CCNI2: variants seen among roughly 807,000 people sequenced by gnomAD.
CCNI2 encodes the protein cyclin I family member 2.
A neutral mutation model predicts 33.2 loss-of-function variants in CCNI2; 32 were observed. That is an observed-to-expected ratio of 0.96 (90% confidence interval 0.73 to 1.30). The LOEUF (loss-of-function observed/expected upper bound fraction) is 1.30. Among genes scored for constraint, CCNI2 ranks in the 50% most tolerant of loss-of-function variants. The pLI is 0.00. For synonymous variants in CCNI2, 231 were observed against 219.9 expected (o/e 1.05, Z -0.45); for missense variants, 452 against 486.2 (o/e 0.93, Z 0.66).
At position 132,753,117 on chromosome 5, in the gene CCNI2, C is replaced by T. The variant is rs1755006725; in HGVS notation, c.*147C>T. 3 of 655,870 alleles carry T rather than the reference C, an allele frequency of 4.6e-6. No individual in the cohort carries two copies. In the South Asian group the frequency reaches 5.7e-5, roughly 13 times the overall value. 40.6% of individuals were successfully genotyped at this position (655,870 alleles called of 1,614,324 possible). On this transcript the variant is annotated 3_prime_UTR_variant, in exon 6 of 6. Transcript: ENST00000378731. ...CTGAGAAAAAGTTCCCAACTGAGCC[C>T]TTGGAAAAAAAATAAAGGGGAGAGG...
rs991017947 is a variant in CCNI2, at chr5:132,750,967, T to C, written c.744T>C (p.Tyr248=). 3 of 1,614,090 alleles carry C rather than the reference T, an allele frequency of 1.9e-6. No individual in the cohort carries two copies. The highest frequency in any genetic ancestry group is 2.5e-6 in the Non-Finnish European group (3 of 1,180,042). ...TGGACAGACTGCACTGGGACCTCTATATTGGGACGCCGCTGGACTTCTTGA... is the reference window on the plus strand; with the variant it reads ...TGGACAGACTGCACTGGGACCTCTACATTGGGACGCCGCTGGACTTCTTGA... ...AILDRLHWDL[Y]IGTPLDFLTI... Residue 248 remains tyrosine (Y), a synonymous_variant, in exon 4 of 6, where the codon TAT becomes TAC. Coordinates refer to ENST00000378731, the MANE Select transcript of CCNI2 (RefSeq NM_001039780.4).
chr5:132,752,786 T>C (rs1052906663), intron 5 of CCNI2, 80 bp from the exon 6 acceptor site: 1 of 1,251,386 alleles, frequency 8.0e-7, no homozygotes, highest in Non-Finnish European at 1.2e-6. Context: ...TGCTTCATGC[T>C]AACATTTTGG....
chr5:132,750,111 G>A (rs1455080819), intron 3 of CCNI2, among the ~76,000 whole-genome samples: 1 of 152,212 alleles, frequency 6.6e-6, no homozygotes, highest in Non-Finnish European at 1.5e-5. Flanking sequence ...GAAGTTGTGT[G>A]TCCAGTTCCA....
rs1173590312 is a variant in CCNI2 at position 132,751,986 on chromosome 5, G to A, written c.795G>A (p.Leu265=). The change falls in exon 5 of 6, where the codon CTG becomes CTA. Residue 265 remains leucine, a synonymous_variant. Transcript: ENST00000378731. ...TCCAGTTCCATGCCCTGGTGGTCCTGAGCTGGCCCCATGTGTTGGAGCTGC... is the reference window on the plus strand; with the variant it reads ...TCCAGTTCCATGCCCTGGTGGTCCTAAGCTGGCCCCATGTGTTGGAGCTGC... The part of the protein sequence containing the change: ...FLTIFHALVV[L]SWPHVLELLP... 5 of 1,611,636 alleles carry A rather than the reference G, an allele frequency of 3.1e-6. No homozygotes were observed. The highest frequency in any genetic ancestry group is 2.5e-6 in the Non-Finnish European group (3 of 1,179,156).
chr5:132,752,976 C>T lies in CCNI2; in HGVS notation c.*6C>T. ...TTGTGTCACCTGCCAACTAGCCCCT[C>T]TGCCTCCACCCCGGGGCTTTCAGAG... On this transcript the variant is annotated 3_prime_UTR_variant, in exon 6 of 6. Coordinates refer to ENST00000378731, the MANE Select transcript of CCNI2 (RefSeq NM_001039780.4). 1 of 1,609,098 alleles carries T rather than the reference C, an allele frequency of 6.2e-7. No homozygotes were observed. The highest frequency in any genetic ancestry group is 8.5e-7 in the Non-Finnish European group (1 of 1,175,584).
In CCNI2 at chr5:132,747,856, C is replaced by G; in HGVS notation, c.361C>G (p.Arg121Gly). 6.8e-7 allele frequency: 1 copy of G among 1,469,940 alleles called. No homozygotes were observed. The highest frequency in any genetic ancestry group is 8.9e-7 in the Non-Finnish European group (1 of 1,118,230). The allele number at this position is 1,469,940 out of a possible 1,614,324, so 91.1% of individuals were successfully genotyped here. ...CCTGGAAGGCGACCTGGACGAGCGC[C>G]GGCTGCTCTGCCACTTGCAGCTGGC... ...RNLEGDLDER[R>G]LLCHLQLAQD... Residue 121 changes from arginine to glycine, a missense_variant, in exon 1 of 6, where the codon CGG becomes GGG. By Grantham distance (125) the Arg-to-Gly change is moderately radical (BLOSUM62 -2). Coordinates refer to ENST00000378731, the MANE Select transcript of CCNI2 (RefSeq NM_001039780.4). This position sits in a 1 kb window ranked among gnomAD's most constrained non-coding sequence, Gnocchi z 4.1.
At chr5:132,752,823 T>C in intron 5 of CCNI2, 43 bp from the exon 6 acceptor site, 1 of 1,547,906 alleles carries the variant, frequency 6.5e-7, no homozygotes, top group Non-Finnish European at 8.9e-7. Flanking sequence ...TCTTAGAATG[T>C]ATGATGGTTC....
At chr5:132,750,104 G>A (rs1456811149) in intron 3 of CCNI2, among the ~76,000 whole-genome samples, 1 of 152,240 alleles carries the variant, frequency 6.6e-6, no homozygotes, top group Non-Finnish European at 1.5e-5. Flanking sequence ...CAGGGAAGAA[G>A]TTGTGTGTCC....
At chr5:132,749,806 G>C (rs1754732509) in intron 3 of CCNI2, among the ~76,000 whole-genome samples, 1 of 152,216 alleles carries the variant, frequency 6.6e-6, no homozygotes, top group Non-Finnish European at 1.5e-5. Flanking sequence ...AAAGCTGCTT[G>C]AGACTTGAGG....
In CCNI2 at chr5:132,753,722, A is replaced by C. The variant is rs1755061604; in HGVS notation, c.*752A>C. The C allele has an allele frequency of 1.3e-5, 2 of 152,406 alleles. No individual in the cohort carries two copies. The highest frequency in any genetic ancestry group is 4.8e-5 in the African/African-American group (2 of 41,454). 9.4% of individuals were successfully genotyped at this position (152,406 alleles called of 1,614,324 possible). A position where few individuals can be genotyped will look rare whatever the true frequency, so the allele number is the denominator to read the frequency against. ...ACCTGTGATGGGAGGCACAGCTCTG[A>C]ATGCTTTCTGTTGGGATGAGCAGGT... On this transcript the variant is annotated 3_prime_UTR_variant, in exon 6 of 6. Transcript: ENST00000378731.
chr5:132,752,218 G>T, intron 5 of CCNI2, 22 bp downstream of exon 5: 2 of 1,548,178 alleles, frequency 1.3e-6, no homozygotes, highest in South Asian at 1.2e-5. Context: ...CTTTGCCCCA[G>T]ACCAGGCTCT....
Position 132,747,781 on chromosome 5 carries a change from G to A in CCNI2, c.286G>A (p.Ala96Thr). 1.4e-6 allele frequency: 2 copies of A among 1,470,200 alleles called. No individual in the cohort carries two copies. Among genetic ancestry groups the A allele is most frequent in the Non-Finnish European group, 1.8e-6 (2 of 1,118,658 alleles). The allele number at this position is 1,470,200 out of a possible 1,614,324, so 91.1% of individuals were successfully genotyped here. A position where few individuals can be genotyped will look rare whatever the true frequency, so the allele number is the denominator to read the frequency against. The change falls in exon 1 of 6, where the codon GCC (alanine) becomes ACC (threonine). Residue 96 changes from alanine (A) to threonine (T), a missense_variant. Ala to Thr is a moderately conservative substitution (Grantham distance 58). Transcript: ENST00000378731. This position sits in a 1 kb window ranked among gnomAD's most constrained non-coding sequence, Gnocchi z 4.1. The stretch of plus-strand genomic sequence containing the variant: ...AACCGCAGACGCGGTCCCCGCCGCC[G>A]CCCCAGAGCAAGCTCCGCGGCCGGC... ...GKTADAVPAA[A>T]PEQAPRPAPQ... is the part of the protein sequence containing the mutation.
chr5:132,749,082 C>G (rs1754697140), intron 2 of CCNI2, among the ~76,000 whole-genome samples: 1 of 152,074 alleles, frequency 6.6e-6, no homozygotes, highest in African/African-American at 2.4e-5. Flanking sequence ...ATGGTGAAAC[C>G]CTGTCTCTAC....
intron 1 of CCNI2, 60 bp from the exon 2 acceptor site, chr5:132,748,287 G>C: frequency 6.3e-7 from 1 of 1,595,476 alleles, no homozygotes; most frequent in Non-Finnish European, 8.5e-7. Flanking sequence ...TCCTGCTGCT[G>C]GGGGACCAGG....
chr5:132,747,987 T>C lies in CCNI2; in HGVS notation c.429+63T>C. On this transcript the variant is annotated intron_variant, in intron 1 of 5. Transcript: ENST00000378731. The surrounding 1 kb of genome is among the most constrained non-coding windows in gnomAD (Gnocchi z 4.1). ...ACGGCAGGCGGATGTGGCCTCCACC[T>C]GCACCCGCGCTCGGGTGTTCTGAAA... 7.5e-7 allele frequency: 1 copy of C among 1,339,116 alleles called. No homozygotes were observed. The highest frequency in any genetic ancestry group is 9.6e-7 in the Non-Finnish European group (1 of 1,042,956). The allele number at this position is 1,339,116 out of a possible 1,614,324, so 83.0% of individuals were successfully genotyped here. A position where few individuals can be genotyped will look rare whatever the true frequency, so the allele number is the denominator to read the frequency against.
At chr5:132,749,269 A>C (rs1335611233) in intron 2 of CCNI2, 79 bp from the exon 3 acceptor site, 11 of 1,230,652 alleles carry the variant, frequency 8.9e-6, no homozygotes, top group African/African-American at 3.0e-5. Flanking sequence ...AAAGTGTATA[A>C]AAGAAAACAA....
rs1050062160 is a variant in CCNI2, at chr5:132,747,643, C to T, written c.148C>T (p.Arg50Ter). ...PPSPGEAPLP[R>*]SNRSRCPGTR... ...GTCTCCGGGGGAGGCCCCTCTGCCC[C>T]GAAGCAACCGGAGCAGGTGCCCTGG... The change falls in exon 1 of 6, where the codon CGA (arginine) becomes TGA (stop). Residue 50 changes from arginine to a stop codon, truncating the protein, a stop_gained. Transcript: ENST00000378731. LOFTEE classifies it high-confidence loss of function. The surrounding 1 kb of genome is among the most constrained non-coding windows in gnomAD (Gnocchi z 4.1). The T allele has an allele frequency of 2.7e-6, 4 of 1,503,734 alleles. No individual in the cohort carries two copies. The African/African-American group carries it at 4.3e-5, about 16-fold the overall frequency. The allele number at this position is 1,503,734 out of a possible 1,614,324, so 93.1% of individuals were successfully genotyped here. A position where few individuals can be genotyped will look rare whatever the true frequency, so the allele number is the denominator to read the frequency against.
rs981740825 is a variant in CCNI2, at chr5:132,747,751, G to C, written c.256G>C (p.Gly86Arg). Residue 86 changes from glycine to arginine, a missense_variant, in exon 1 of 6, where the codon GGG (glycine) becomes CGG (arginine). Coordinates refer to ENST00000378731, the MANE Select transcript of CCNI2 (RefSeq NM_001039780.4). The surrounding 1 kb of genome is among the most constrained non-coding windows in gnomAD (Gnocchi z 4.1). ...GCCCCGGCGCGGTACGGCGCCAGCCGGGAAAACCGCAGACGCGGTCCCCGC... is the reference window on the plus strand; with the variant it reads ...GCCCCGGCGCGGTACGGCGCCAGCCCGGAAAACCGCAGACGCGGTCCCCGC... ...VRPRRGTAPA[G>R]KTADAVPAAA... The C allele has an allele frequency of 1.4e-6, 2 of 1,469,662 alleles. No individual in the cohort carries two copies. The highest frequency in any genetic ancestry group is 2.9e-5 in the African/African-American group (2 of 68,104). 91.0% of individuals were successfully genotyped at this position (1,469,662 alleles called of 1,614,324 possible). A position where few individuals can be genotyped will look rare whatever the true frequency, so the allele number is the denominator to read the frequency against.
downstream of CCNI2, chr5:132,756,046 T>C (rs1755302316): frequency 1.0e-6 from 1 of 984,280 alleles, no homozygotes; most frequent in Admixed American, 6.2e-5. Flanking sequence ...AAGTACAAAG[T>C]GAATGGAAAA....
Sources: gnomAD v4.1 joint callset for allele counts (sites outside exome capture counted in the v4.1 genomes callset) on GRCh38, gnomAD v4.1.1 for gene constraint, Gnocchi (gnomAD v3.1) non-coding constraint, MANE v1.5 for transcripts, NCBI Gene and HGNC (gene_info 2026-07-23, HGNC 2026-07-21) for gene names.